HTRA3: variants seen among roughly 807,000 people sequenced by gnomAD.
HTRA3 encodes serine protease HTRA3.
A neutral mutation model predicts 43.2 loss-of-function variants in HTRA3; 41 were observed. The ratio of observed to expected loss-of-function variants is 0.95; its 90% confidence interval spans 0.74 to 1.23. The LOEUF (loss-of-function observed/expected upper bound fraction) is 1.23. HTRA3 is among the 50% of genes most tolerant of loss of function. The pLI, the probability that HTRA3 is intolerant of heterozygous loss-of-function variation, is 0.00. For synonymous variants in HTRA3, 295 were observed against 287.9 expected (o/e 1.02, Z -0.25); for missense variants, 628 against 647.1 (o/e 0.97, Z 0.32).
rs143491293 is a variant in HTRA3 at position 8,273,554 on chromosome 4, C to G, written c.385+3201C>G. 1.2e-3 allele frequency among the ~76,000 whole-genome samples: 168 copies of G among 143,212 alleles called. 1 individual carries two copies. Among genetic ancestry groups the G allele is most frequent in the African/African-American group, 4.2e-3 (162 of 38,662 alleles). The allele number at this position is 143,212 out of a possible 152,430, so 94.0% of individuals were successfully genotyped here. A position where few individuals can be genotyped will look rare whatever the true frequency, so the allele number is the denominator to read the frequency against. On this transcript the variant is annotated intron_variant, in intron 1 of 8. Transcript: ENST00000307358. ...CGCACCCCCGCCCCAGTAAGCTCAT[C>G]TGCCATGAAGTCCTCCCCAGGTGCT...
chr4:8,305,935 G>A, intron 8 of HTRA3, 36 bp from the exon 9 acceptor site: 1 of 1,611,084 alleles, frequency 6.2e-7, no homozygotes, highest in East Asian at 2.2e-5. Context: ...TGCCTGGGGA[G>A]GCGGTGGGTG....
intron 8 of HTRA3, among the ~76,000 whole-genome samples, chr4:8,305,061 T>C (rs4696805): frequency 0.32 from 48,401 of 152,100 alleles, 8,193 homozygotes; most frequent in East Asian, 0.63. Flanking sequence ...CACTACCACA[T>C]GCTGGCATGG....
In HTRA3 at chr4:8,297,046, GGGTCCCTTGGTCTCAGAAGCCAAAA is replaced by G. The variant is rs1179672813; in HGVS notation, c.1051+2849_1051+2873del. ...GGGTTCCCCAGCCTCAGAGGTCACA[GGGTCCCTTGGTCTCAGAAGCCAAAA>G]GGTTCCCTGGTCTCAGAAGCCATAA... is the stretch of plus-strand genomic sequence containing the variant. On this transcript the variant is annotated intron_variant, in intron 6 of 8. Coordinates refer to ENST00000307358, the MANE Select transcript of HTRA3 (RefSeq NM_053044.5). The surrounding 1 kb of genome is among the most constrained non-coding windows in gnomAD (Gnocchi z 5.8). Among the ~76,000 whole-genome samples the G allele has an allele frequency of 2.0e-5, 3 of 152,062 alleles. No homozygotes were observed. The highest frequency in any genetic ancestry group is 3.9e-4 in the East Asian group (2 of 5,170).
rs756259226 is a variant in HTRA3, at chr4:8,297,834, G to GA, written c.1051+3634dup. On this transcript the variant is annotated intron_variant, in intron 6 of 8. Transcript: ENST00000307358. This position sits in a 1 kb window ranked among gnomAD's most constrained non-coding sequence, Gnocchi z 5.8. ...GGCTCAGACGCGCAGCTGCTTGTGGGATGGACCCACCAATGTCCACAGGCA... is the reference window on the plus strand; with the variant it reads ...GGCTCAGACGCGCAGCTGCTTGTGGGAATGGACCCACCAATGTCCACAGGCA... 5.6e-4 allele frequency among the ~76,000 whole-genome samples: 85 copies of GA among 152,194 alleles called. No individual in the cohort carries two copies. The highest frequency in any genetic ancestry group is 1.1e-3 in the Non-Finnish European group (72 of 67,988).
At chr4:8,293,786 C>T (rs1461658820) in intron 5 of HTRA3, among the ~76,000 whole-genome samples, 1 of 152,146 alleles carries the variant, frequency 6.6e-6, no homozygotes, top group Non-Finnish European at 1.5e-5. Context: ...TGGCGGTGTC[C>T]TTGGCCCAGT....
chr4:8,306,078 A>C lies in HTRA3; in HGVS notation c.1304A>C (p.Glu435Ala), dbSNP rs1713836272. The C allele has an allele frequency of 6.2e-7, 1 of 1,610,046 alleles. No individual in the cohort carries two copies. The highest frequency in any genetic ancestry group is 8.5e-7 in the Non-Finnish European group (1 of 1,177,642). ...CTGACCGAGTCTCCTCTCCTACTGG[A>C]GGTGCGGCGGGGGAACGACGACCTC... ...AVLTESPLLL[E>A]VRRGNDDLLF... Residue 435 changes from glutamate (E) to alanine (A), a missense_variant, in exon 9 of 9, where the codon GAG becomes GCG. Transcript: ENST00000307358. This position sits in a 1 kb window ranked among gnomAD's most constrained non-coding sequence, Gnocchi z 8.9.
chr4:8,301,220 TCA>T (rs1420928175), intron 6 of HTRA3, among the ~76,000 whole-genome samples: 1 of 150,536 alleles, frequency 6.6e-6, no homozygotes, highest in Non-Finnish European at 1.5e-5. Context: ...TATTATTGAT[TCA>T]CAGACATCTT....
Position 8,297,050 on chromosome 4 carries a change from C to T in HTRA3, c.1051+2849C>T, listed in dbSNP as rs1452846926. Among the ~76,000 whole-genome samples, 3 of 151,990 alleles carry T rather than the reference C, an allele frequency of 2.0e-5. No individual in the cohort carries two copies. On this transcript the variant is annotated intron_variant, in intron 6 of 8. Transcript: ENST00000307358. This position sits in a 1 kb window ranked among gnomAD's most constrained non-coding sequence, Gnocchi z 5.8. ...TCCCCAGCCTCAGAGGTCACAGGGT[C>T]CCTTGGTCTCAGAAGCCAAAAGGTT...
At chr4:8,300,770 GGATTCACACTCATCTTTATTATT>G (rs1405213890) in intron 6 of HTRA3, among the ~76,000 whole-genome samples, 22 of 149,174 alleles carry the variant, frequency 1.5e-4, no homozygotes, top group Admixed American at 6.7e-4. Context: ...TCTTTATTAT[GGATTCACACTCATCTTTATTATT>G]GATTCACACT....
intron 3 of HTRA3, among the ~76,000 whole-genome samples, chr4:8,287,408 G>T (rs1713034410): frequency 6.6e-6 from 1 of 152,162 alleles, no homozygotes; most frequent in Non-Finnish European, 1.5e-5. Flanking sequence ...ACCTGAGACT[G>T]GGTCATTTAT....
At chr4:8,280,307 G>A (rs151178750) in intron 1 of HTRA3, among the ~76,000 whole-genome samples, 3 of 152,284 alleles carry the variant, frequency 2.0e-5, no homozygotes, top group East Asian at 1.9e-4. Flanking sequence ...CCTCCCTCCT[G>A]GAGGGAGGAG....
intron 1 of HTRA3, among the ~76,000 whole-genome samples, chr4:8,281,705 C>G (rs1201637482): frequency 6.6e-6 from 1 of 152,246 alleles, no homozygotes; most frequent in Admixed American, 6.5e-5. Context: ...GGGCCCCGTG[C>G]CACTGCATGC....
chr4:8,299,967 G>A (rs775777895), intron 6 of HTRA3, among the ~76,000 whole-genome samples: 6 of 151,532 alleles, frequency 4.0e-5, no homozygotes, highest in Non-Finnish European at 7.4e-5. Context: ...AGCCTCCCAC[G>A]TAGCTGGGAT....
chr4:8,298,550 G>A (rs748673107), intron 6 of HTRA3, among the ~76,000 whole-genome samples: 18 of 151,424 alleles, frequency 1.2e-4, no homozygotes, highest in Non-Finnish European at 2.2e-4. Context: ...TGCGTTTGGT[G>A]TTGTATCTAA....
chr4:8,306,213 G>T lies in HTRA3; in HGVS notation c.*77G>T. 2 of 1,439,654 alleles carry T rather than the reference G, an allele frequency of 1.4e-6. No homozygotes were observed. The highest frequency in any genetic ancestry group is 1.4e-5 in the African/African-American group (1 of 69,876). 89.2% of individuals were successfully genotyped at this position (1,439,654 alleles called of 1,614,324 possible). A position where few individuals can be genotyped will look rare whatever the true frequency, so the allele number is the denominator to read the frequency against. On this transcript the variant is annotated 3_prime_UTR_variant, in exon 9 of 9. Transcript: ENST00000307358. This position sits in a 1 kb window ranked among gnomAD's most constrained non-coding sequence, Gnocchi z 8.9. ...AGCGCCCCCCCGAGATCAGGACGAA[G>T]GACCACCGTCGGTCCTCAGCAGGGC...
Position 8,291,566 on chromosome 4 carries a change from T to G in HTRA3, c.903+2T>G. On this transcript the variant is annotated splice_donor_variant, in intron 4 of 8. Transcript: ENST00000307358. LOFTEE classifies it high-confidence loss of function. ...ATCCAGACGGATGCCATCATCAACGTGAGTCCCAGGGACAGGAGGCCGGGG... is the reference window on the plus strand; with the variant it reads ...ATCCAGACGGATGCCATCATCAACGGGAGTCCCAGGGACAGGAGGCCGGGG... 4.4e-6 allele frequency: 7 copies of G among 1,576,418 alleles called. No individual in the cohort carries two copies. Among genetic ancestry groups the G allele is most frequent in the Non-Finnish European group, 6.0e-6 (7 of 1,159,214 alleles).
intron 2 of HTRA3, among the ~76,000 whole-genome samples, chr4:8,284,170 C>G (rs148416931): frequency 6.6e-6 from 1 of 152,224 alleles, no homozygotes; most frequent in Non-Finnish European, 1.5e-5. Flanking sequence ...CCACCCTGTC[C>G]GGTGCCCCGT....
chr4:8,283,072 G>A (rs995460972), intron 2 of HTRA3, among the ~76,000 whole-genome samples: 4 of 152,246 alleles, frequency 2.6e-5, no homozygotes, highest in Non-Finnish European at 5.9e-5. Flanking sequence ...CCGTGTGGCC[G>A]GAGCGGGGAG....
At position 8,291,543 on chromosome 4, in the gene HTRA3, C is replaced by T. The variant is rs146579711; in HGVS notation, c.882C>T (p.Ile294=). 2,612 of 1,599,508 alleles carry T rather than the reference C, an allele frequency of 1.6e-3. 15 individuals are homozygous for T. In the Middle Eastern group the frequency reaches 0.022, roughly 14 times the overall value. The part of the protein sequence containing the change: ...LGLRDSDMDY[I]QTDAIINYGN... Reference sequence around the variant, plus strand: ...TCCGGGACTCCGACATGGACTACATCCAGACGGATGCCATCATCAACGTGA... The same window carrying T: ...TCCGGGACTCCGACATGGACTACATTCAGACGGATGCCATCATCAACGTGA... Residue 294 remains isoleucine, a synonymous_variant, in exon 4 of 9, where the codon ATC becomes ATT. Coordinates refer to ENST00000307358, the MANE Select transcript of HTRA3 (RefSeq NM_053044.5).
Sources: gnomAD v4.1 joint callset for allele counts (sites outside exome capture counted in the v4.1 genomes callset) on GRCh38, gnomAD v4.1.1 for gene constraint, Gnocchi (gnomAD v3.1) non-coding constraint, MANE v1.5 for transcripts, NCBI Gene and HGNC (gene_info 2026-07-23, HGNC 2026-07-21) for gene names.